Variants in CXorf38 observed in about 807,000 individuals in gnomAD.
The protein encoded by CXorf38 is uncharacterized protein CXorf38.
CXorf38 carries 13 observed loss-of-function variants against 27.5 expected under a neutral mutation model. The observed-to-expected ratio is 0.47, with a 90% confidence interval of 0.31 to 0.75. CXorf38 has a LOEUF of 0.75. Among genes scored for constraint, CXorf38 ranks in the 30% least tolerant of loss-of-function variants. The pLI is 0.05. For synonymous variants in CXorf38, 100 were observed against 99.8 expected, an observed-to-expected ratio of 1.00 and a Z score of -0.01; for missense variants, 240 against 253.2, an observed-to-expected ratio of 0.95 and a Z score of 0.35.
At chrX:40,635,414 T>C (rs1041164162) in intron 5 of CXorf38, among the ~76,000 whole-genome samples, 1 of 112,633 alleles carries the variant, frequency 8.9e-6, no homozygotes, top group South Asian at 3.6e-4. Context: ...CTCCGTGAAT[T>C]TGCATTTAAT....
chrX:40,629,204 T>A lies in CXorf38; in HGVS notation c.*960A>T, dbSNP rs998322588. On this transcript the variant is annotated 3_prime_UTR_variant, in exon 7 of 7. Transcript: ENST00000327877. The stretch of plus-strand genomic sequence containing the variant: ...TAATTTTTAAATTTTTTTGTAGAGA[T>A]GGGGTCTCGCCATCTTGCCCAGGTT... 1 of 110,342 alleles carries A rather than the reference T, an allele frequency of 9.1e-6. No homozygotes were observed. Among genetic ancestry groups the A allele is most frequent in the Non-Finnish European group, 1.9e-5 (1 of 52,827 alleles). The allele number at this position is 110,342 out of a possible 1,213,427, so 9.1% of individuals were successfully genotyped here.
rs1927585488 is a variant in CXorf38, at chrX:40,627,573, C to G, written c.*2591G>C. 1 of 112,409 alleles carries G rather than the reference C, an allele frequency of 8.9e-6. No individual in the cohort carries two copies. Among genetic ancestry groups the G allele is most frequent in the African/African-American group, 3.2e-5 (1 of 30,903 alleles). 9.3% of individuals were successfully genotyped at this position (112,409 alleles called of 1,213,427 possible). A position where few individuals can be genotyped will look rare whatever the true frequency, so the allele number is the denominator to read the frequency against. On this transcript the variant is annotated 3_prime_UTR_variant, in exon 7 of 7. Transcript: ENST00000327877. ...GACCACAGTGCAGCATCGCTTCATTCTTTCCAACAGTTGCATAAGATCCTG... is the reference window on the plus strand; with the variant it reads ...GACCACAGTGCAGCATCGCTTCATTGTTTCCAACAGTTGCATAAGATCCTG...
intron 6 of CXorf38, chrX:40,630,363 C>A (rs142563073): frequency 0.011 from 3,050 of 273,477 alleles, 89 homozygotes; most frequent in African/African-American, 0.076. Flanking sequence ...AAAGCTGATT[C>A]ATTTAATTCT....
chrX:40,634,862 T>C (rs1158365402), intron 5 of CXorf38, among the ~76,000 whole-genome samples: 1 of 112,316 alleles, frequency 8.9e-6, no homozygotes, highest in Non-Finnish European at 1.9e-5. Context: ...CAACTCCACC[T>C]AGAGACTCCA....
At chrX:40,642,029 G>A (rs187314424) in intron 2 of CXorf38, among the ~76,000 whole-genome samples, 4 of 111,794 alleles carry the variant, frequency 3.6e-5, no homozygotes, top group African/African-American at 1.3e-4. Context: ...ATTCCCATTT[G>A]AAGACTGCAC....
intron 3 of CXorf38, among the ~76,000 whole-genome samples, chrX:40,637,522 T>A (rs1928129348): frequency 8.9e-6 from 1 of 111,755 alleles, no homozygotes; most frequent in Admixed American, 9.5e-5. Context: ...AAAAGACTGG[T>A]TCAGGGCAAA....
At chrX:40,641,217 A>C (rs1928307937) in intron 2 of CXorf38, among the ~76,000 whole-genome samples, 1 of 111,040 alleles carries the variant, frequency 9.0e-6, no homozygotes. Context: ...ACCCTGTCTC[A>C]AAAAGGAAAA....
At chrX:40,647,214 C>G (rs370806908) in intron 1 of CXorf38, 73 bp from the exon 2 acceptor site, 2 of 1,175,059 alleles carry the variant, frequency 1.7e-6, no homozygotes, top group East Asian at 6.1e-5. Flanking sequence ...GCGGAGGGAA[C>G]AGGACACTTG....
At chrX:40,632,809 A>AGG (rs1927885606) in intron 5 of CXorf38, among the ~76,000 whole-genome samples, 2 of 111,957 alleles carry the variant, frequency 1.8e-5, no homozygotes, top group African/African-American at 6.5e-5. Flanking sequence ...ATACAAATTA[A>AGG]GGATGATGAT....
Position 40,630,758 on chromosome X carries a change from C to T in CXorf38, c.817G>A (p.Glu273Lys). The T allele has an allele frequency of 8.3e-7, 1 of 1,209,807 alleles. No homozygotes were observed. Among genetic ancestry groups the T allele is most frequent in the Non-Finnish European group, 1.1e-6 (1 of 894,419 alleles). Reference sequence around the variant, plus strand: ...TTTCTCAGAAATTCCTTCACCACTTCCAGTCGATTTGAGAGCTGCAAGAGG... The same window carrying T: ...TTTCTCAGAAATTCCTTCACCACTTTCAGTCGATTTGAGAGCTGCAAGAGG... ...VLPEELSNRL[E>K]VVKEFLRNNE... Residue 273 changes from glutamate to lysine, a missense_variant, in exon 6 of 7, where the codon GAA becomes AAA. Physicochemically the swap from Glu to Lys is moderately conservative, Grantham distance 56 (BLOSUM62 1). Coordinates refer to ENST00000327877, the MANE Select transcript of CXorf38 (RefSeq NM_144970.3).
chrX:40,632,686 A>G (rs1165253668), intron 5 of CXorf38, among the ~76,000 whole-genome samples: 1 of 111,535 alleles, frequency 9.0e-6, no homozygotes, highest in Non-Finnish European at 1.9e-5. Context: ...AAAGTACTAG[A>G]AAAATTTGGA....
chrX:40,647,260 G>A, intron 1 of CXorf38, 45 bp downstream of exon 1: 1 of 1,107,940 alleles, frequency 9.0e-7, no homozygotes, highest in Non-Finnish European at 1.2e-6. Flanking sequence ...GGATGAGGAG[G>A]GGTGGGGTGG....
chrX:40,631,805 A>G (rs1387707998), intron 5 of CXorf38, among the ~76,000 whole-genome samples: 3 of 111,778 alleles, frequency 2.7e-5, no homozygotes, highest in African/African-American at 6.5e-5. Context: ...AAGCAAATGA[A>G]AGAGCCAGAT....
At chrX:40,643,365 G>A (rs1366153960) in intron 2 of CXorf38, among the ~76,000 whole-genome samples, 2 of 112,055 alleles carry the variant, frequency 1.8e-5, no homozygotes, top group African/African-American at 6.5e-5. Context: ...CACCACTACA[G>A]TCCATTTTAG....
chrX:40,634,469 C>T (rs1050377675), intron 5 of CXorf38, among the ~76,000 whole-genome samples: 8 of 112,302 alleles, frequency 7.1e-5, no homozygotes, highest in Non-Finnish European at 1.1e-4. Context: ...TTCCTGATCC[C>T]GGGATGCACA....
At chrX:40,646,264 T>C (rs1416478607) in intron 2 of CXorf38, among the ~76,000 whole-genome samples, 3 of 101,256 alleles carry the variant, frequency 3.0e-5, no homozygotes, top group Non-Finnish European at 6.0e-5. Flanking sequence ...ATTTTTGAGA[T>C]TGGGGAGCAC....
At position 40,647,356 on chromosome X, in the gene CXorf38, C is replaced by A; in HGVS notation, c.165G>T (p.Gly55=). The part of the protein sequence containing the change: ...RGLLAAAPGL[G]PRAVCRGGSR... ...AGCCGCCGCGGCAGACGGCGCGGGG[C>A]CCCAGGCCGGGGGCTGCGGCGAGTA... The change falls in exon 1 of 7, where the codon GGG becomes GGT. Residue 55 remains glycine, a synonymous_variant. Coordinates refer to ENST00000327877, the MANE Select transcript of CXorf38 (RefSeq NM_144970.3). 5 of 1,144,743 alleles carry A rather than the reference C, an allele frequency of 4.4e-6. No individual in the cohort carries two copies. The highest frequency in any genetic ancestry group is 5.8e-6 in the Non-Finnish European group (5 of 867,843). 94.3% of individuals were successfully genotyped at this position (1,144,743 alleles called of 1,213,427 possible). A position where few individuals can be genotyped will look rare whatever the true frequency, so the allele number is the denominator to read the frequency against.
At chrX:40,637,579 G>A (rs984779487) in intron 3 of CXorf38, among the ~76,000 whole-genome samples, 1 of 112,319 alleles carries the variant, frequency 8.9e-6, no homozygotes, top group Non-Finnish European at 1.9e-5. Flanking sequence ...TACTTAACAC[G>A]TGGCTTGTTG....
At position 40,628,733 on chromosome X, in the gene CXorf38, C is replaced by T. The variant is rs1485956295; in HGVS notation, c.*1431G>A. 4.4e-5 allele frequency: 5 copies of T among 112,407 alleles called. No homozygotes were observed. The highest frequency in any genetic ancestry group is 2.8e-4 in the Admixed American group (3 of 10,610). The allele number at this position is 112,407 out of a possible 1,213,427, so 9.3% of individuals were successfully genotyped here. On this transcript the variant is annotated 3_prime_UTR_variant, in exon 7 of 7. Coordinates refer to ENST00000327877, the MANE Select transcript of CXorf38 (RefSeq NM_144970.3). ...CTAATAGTATAACTAACATTTAGGC[C>T]TGTGAATACTCCCAAGCTATGAGGG...
Sources: allele counts gnomAD v4.1 joint callset (sites outside exome capture counted in the v4.1 genomes callset), GRCh38; gene constraint gnomAD v4.1.1; transcripts MANE v1.5; gene names NCBI Gene and HGNC (gene_info 2026-07-23, HGNC 2026-07-21).